MYO15A: variants seen among roughly 807,000 people sequenced by gnomAD.
MYO15A encodes the protein myosin XVA.
Under a neutral mutation model 394.6 loss-of-function variants are expected in MYO15A, and 308 were observed. The ratio of observed to expected loss-of-function variants is 0.78; its 90% confidence interval spans 0.71 to 0.86. The LOEUF is 0.86. Ranked by LOEUF, MYO15A falls within the 40% of genes least tolerant of loss-of-function variation. The pLI, the probability that MYO15A is intolerant of heterozygous loss-of-function variation, is 0.00. For missense variants in MYO15A, 4,606 were observed against 4,799.1 expected, an observed-to-expected ratio of 0.96 and a Z score of 1.19; for synonymous variants, 1,957 against 2,003.8, an observed-to-expected ratio of 0.98 and a Z score of 0.62.
chr17:18,164,996 A>C (rs903061143), intron 60 of MYO15A: 4 of 150,832 alleles, frequency 2.7e-5, no homozygotes, highest in African/African-American at 9.8e-5. Context: ...AAAATTAGCC[A>C]GGCATGGTGA....
chr17:18,166,339 C>G (rs771012435), intron 60 of MYO15A, 22 bp from the exon 61 acceptor site: 6 of 1,609,714 alleles, frequency 3.7e-6, no homozygotes, highest in Non-Finnish European at 5.1e-6. Context: ...CCCACCCAGC[C>G]CTGCCTCCCT....
At chr17:18,168,517 G>A (rs572277767) in intron 62 of MYO15A, among the ~76,000 whole-genome samples, 148 of 151,474 alleles carry the variant, frequency 9.8e-4, no homozygotes, top group Admixed American at 1.9e-3. Context: ...TCAGTGAGCC[G>A]AGATAGCGCC....
At chr17:18,109,371 C>A in intron 1 of MYO15A, 1 of 165,602 alleles carries the variant, frequency 6.0e-6, no homozygotes, top group East Asian at 1.4e-4. Flanking sequence ...GGGCTTGTTC[C>A]TGGGCTAGAT....
Position 18,171,791 on chromosome 17 carries a change from G to T in MYO15A, c.10216+20G>T, listed in dbSNP as rs2046945647. 1.2e-6 allele frequency: 2 copies of T among 1,603,314 alleles called. No individual in the cohort carries two copies. Among genetic ancestry groups the T allele is most frequent in the Non-Finnish European group, 1.7e-6 (2 of 1,178,764 alleles). ...TTCTGGGTAAGAGCTGCAGGGCAGG[G>T]GAGGTGATCATAGGGGGCTTTGCTG... On this transcript the variant is annotated intron_variant, in intron 63 of 65. Transcript: ENST00000647165.
At chr17:18,115,734 A>G (rs854770) in intron 1 of MYO15A, among the ~76,000 whole-genome samples, 70,334 of 151,866 alleles carry the variant, frequency 0.46, 18,042 homozygotes, top group South Asian at 0.71. Context: ...GGCCCTGCAC[A>G]TGTGCCCCTG....
In MYO15A at chr17:18,121,041, C is replaced by T; in HGVS notation, c.2241C>T (p.Gly747=). The change falls in exon 2 of 66, where the codon GGC becomes GGT. Residue 747 remains glycine (G), a synonymous_variant. Transcript: ENST00000647165. This position sits in a 1 kb window ranked among gnomAD's most constrained non-coding sequence, Gnocchi z 5.3. ...CAGGGCCCCGACCCTCGTTCAGGGG[C>T]TCCCGCCGGAGAGGGGCGGCTTTCG... ...AFPGPRPSFR[G]SRRRGAAFGF... 6.6e-7 allele frequency: 1 copy of T among 1,509,768 alleles called. No individual in the cohort carries two copies. Among genetic ancestry groups the T allele is most frequent in the Non-Finnish European group, 8.8e-7 (1 of 1,133,806 alleles). The allele number at this position is 1,509,768 out of a possible 1,614,324, so 93.5% of individuals were successfully genotyped here.
chr17:18,156,902 T>C (rs1002825590), intron 48 of MYO15A, 52 bp from the exon 49 acceptor site: 2 of 1,521,178 alleles, frequency 1.3e-6, no homozygotes, highest in Non-Finnish European at 1.8e-6. Flanking sequence ...CCTAGGCCTC[T>C]GGGAGTGGGG....
At chr17:18,149,963 A>AAG in intron 35 of MYO15A, 1 of 312,630 alleles carries the variant, frequency 3.2e-6, no homozygotes. Flanking sequence ...AAAAAAAAAA[A>AAG]AAAAAAAAGA....
At chr17:18,156,390 G>A (rs1363610156) in intron 48 of MYO15A, 54 bp downstream of exon 48, 16 of 1,583,190 alleles carry the variant, frequency 1.0e-5, no homozygotes, top group Non-Finnish European at 1.1e-5. Context: ...CCAGCAACAG[G>A]GATCTCCCTG....
Position 18,125,201 on chromosome 17 carries a change from CAA to C in MYO15A, c.3727_3728del (p.Lys1243AspfsTer2), listed in dbSNP as rs1188657764. 1.2e-6 allele frequency: 2 copies of C among 1,614,138 alleles called. No homozygotes were observed. Among genetic ancestry groups the C allele is most frequent in the Non-Finnish European group, 1.7e-6 (2 of 1,180,034 alleles). ...LQETTVLSNL[K>X]IRFERNLIYT... ...AGGAAACCACTGTGCTGTCCAACCTCAAGATTAGATTTGAACGGAACCTCATC... is the reference window on the plus strand; with the variant it reads ...AGGAAACCACTGTGCTGTCCAACCTCGATTAGATTTGAACGGAACCTCATC... On this transcript the variant is annotated frameshift_variant, in exon 4 of 66. Coordinates refer to ENST00000647165, the MANE Select transcript of MYO15A (RefSeq NM_016239.4). LOFTEE classifies it high-confidence loss of function.
rs932191004 is a variant in MYO15A at position 18,120,916 on chromosome 17, G to A, written c.2116G>A (p.Ala706Thr). ...SLRRHPPPWAAPAHVPPAPQA... is the reference protein window; with the variant it reads ...SLRRHPPPWATPAHVPPAPQA... ...CCGCCGCCACCCGCCGCCCTGGGCC[G>A]CCCCAGCGCACGTGCCACCGGCGCC... is the stretch of plus-strand genomic sequence containing the variant. Residue 706 changes from alanine (A) to threonine (T), a missense_variant, in exon 2 of 66, where the codon GCC becomes ACC. Around this residue, in one of 2 missense-constraint regions of MYO15A, gnomAD observed 1,830 missense variants for 1,689.7 expected, o/e 1.08. Transcript: ENST00000647165. The A allele has an allele frequency of 2.5e-4, 364 of 1,446,452 alleles. No individual in the cohort carries two copies. Among genetic ancestry groups the A allele is most frequent in the Non-Finnish European group, 3.2e-4 (352 of 1,104,826 alleles). 89.6% of individuals were successfully genotyped at this position (1,446,452 alleles called of 1,614,324 possible).
intron 47 of MYO15A, chr17:18,155,902 A>G: frequency 2.1e-6 from 1 of 480,580 alleles, no homozygotes; most frequent in Non-Finnish European, 3.8e-6. Context: ...AATTTGGTCA[A>G]TGGGTGAAAG....
Position 18,142,233 on chromosome 17 carries a change from G to A in MYO15A, c.5804G>A (p.Arg1935Gln), listed in dbSNP as rs876657900. 35 of 1,612,844 alleles carry A rather than the reference G, an allele frequency of 2.2e-5. No homozygotes were observed. The highest frequency in any genetic ancestry group is 2.0e-4 in the African/African-American group (15 of 74,922). The part of the protein sequence containing the change: ...LRHKIILLQS[R>Q]ARGYLARQRY... ...CACAAGATCATCCTGCTGCAAAGCC[G>A]GGCCCGTGGCTACCTTGCCAGGTGA... Residue 1935 changes from arginine (R) to glutamine (Q), a missense_variant, in exon 24 of 66, where the codon CGG becomes CAG. By Grantham distance (43) the Arg-to-Gln change is conservative. Coordinates refer to ENST00000647165, the MANE Select transcript of MYO15A (RefSeq NM_016239.4).
intron 33 of MYO15A, 94 bp from the exon 34 acceptor site, chr17:18,149,122 G>T: frequency 1.3e-6 from 2 of 1,542,048 alleles, no homozygotes; most frequent in Non-Finnish European, 1.8e-6. Flanking sequence ...CTTTTAAATG[G>T]AGAAAGCCAC....
chr17:18,159,381 C>T (rs1160139662), intron 54 of MYO15A, 34 bp downstream of exon 54: 1 of 1,610,656 alleles, frequency 6.2e-7, no homozygotes, highest in Admixed American at 1.7e-5. Context: ...GGGCTCTGGG[C>T]TAGGTGGGAT....
chr17:18,120,423 C>T lies in MYO15A; in HGVS notation c.1623C>T (p.Asn541=). ...FWGFLTPRQR[N]LQRALSAFGA... ...GCTTCCTCACGCCGCGCCAGCGCAACCTCCAGCGCGCGCTGTCGGCCTTCG... is the reference window on the plus strand; with the variant it reads ...GCTTCCTCACGCCGCGCCAGCGCAATCTCCAGCGCGCGCTGTCGGCCTTCG... Residue 541 remains asparagine, a synonymous_variant, in exon 2 of 66, where the codon AAC becomes AAT. Transcript: ENST00000647165. 6.3e-7 allele frequency: 1 copy of T among 1,598,272 alleles called. No individual in the cohort carries two copies. The highest frequency in any genetic ancestry group is 8.5e-7 in the Non-Finnish European group (1 of 1,174,082).
intron 57 of MYO15A, 51 bp from the exon 58 acceptor site, chr17:18,162,534 C>T (rs1241591318): frequency 6.4e-7 from 1 of 1,569,754 alleles, no homozygotes; most frequent in Non-Finnish European, 8.7e-7. Context: ...GAGCGAGCCC[C>T]TTTCTCCCAC....
At position 18,153,916 on chromosome 17, in the gene MYO15A, CCAGGGGAGGGGCTGAAGCGGGG is replaced by C; in HGVS notation, c.8088+40_8088+61del. On this transcript the variant is annotated intron_variant, in intron 43 of 65. Coordinates refer to ENST00000647165, the MANE Select transcript of MYO15A (RefSeq NM_016239.4). The surrounding 1 kb of genome is among the most constrained non-coding windows in gnomAD (Gnocchi z 4.1). ...AAAGAGGTGCCGAGCACAGCCGTAG[CCAGGGGAGGGGCTGAAGCGGGG>C]CAGGGGAGGGGCTGAAGCGAGCAGA... is the stretch of plus-strand genomic sequence containing the variant. 2 of 1,613,344 alleles carry C rather than the reference CCAGGGGAGGGGCTGAAGCGGGG, an allele frequency of 1.2e-6. No individual in the cohort carries two copies. Among genetic ancestry groups the C allele is most frequent in the Non-Finnish European group, 8.5e-7 (1 of 1,179,920 alleles).
At chr17:18,134,582 T>C (rs1331157510) in intron 12 of MYO15A, among the ~76,000 whole-genome samples, 1 of 152,222 alleles carries the variant, frequency 6.6e-6, no homozygotes, top group Non-Finnish European at 1.5e-5. Flanking sequence ...TCTCTTGATT[T>C]GAAAAATACA....
Sources: allele counts gnomAD v4.1 joint callset (sites outside exome capture counted in the v4.1 genomes callset), GRCh38; gene constraint gnomAD v4.1.1; regional missense constraint gnomAD v4.1.1; non-coding constraint Gnocchi (gnomAD v3.1); transcripts MANE v1.5; gene names NCBI Gene and HGNC (gene_info 2026-07-23, HGNC 2026-07-21).